The following NAT1 variants were observed in gnomAD, a reference collection of about 807,000 sequenced individuals.
NAT1 encodes N-acetyltransferase 1, also known as arylamine N-acetyltransferase 1.
For missense variants in NAT1, 400 were observed against 339.2 expected (o/e 1.18, Z -1.41); for synonymous variants, 144 against 122.6 (o/e 1.17, Z -1.16).
chr8:18,212,909 GT>G (rs567753237), intron 1 of NAT1: 168 of 143,820 alleles, frequency 1.2e-3, no homozygotes, highest in East Asian at 2.6e-3. Flanking sequence ...AACCAATAGG[GT>G]TTTTTTTTTT....
At chr8:18,211,244 G>A (rs910232677) in intron 1 of NAT1, 2 of 152,250 alleles carry the variant, frequency 1.3e-5, no homozygotes, top group Non-Finnish European at 2.9e-5. Flanking sequence ...ACAGAAGAGA[G>A]GAGACTGGCC....
intron 2 of NAT1, among the ~76,000 whole-genome samples, chr8:18,182,363 A>C (rs1427276914): frequency 6.6e-6 from 1 of 152,142 alleles, no homozygotes; most frequent in African/African-American, 2.4e-5. Context: ...ACATACTATT[A>C]GTGCATTTTG....
At chr8:18,191,562 G>A (rs1802991799) in intron 2 of NAT1, among the ~76,000 whole-genome samples, 2 of 152,010 alleles carry the variant, frequency 1.3e-5, no homozygotes, top group South Asian at 2.1e-4. Flanking sequence ...GAACAAAGCT[G>A]GAGGCATCAC....
intron 1 of NAT1, among the ~76,000 whole-genome samples, chr8:18,213,964 C>T (rs1193974489): frequency 5.9e-5 from 9 of 152,108 alleles, no homozygotes; most frequent in Non-Finnish European, 1.0e-4. Context: ...CAGGCACCTG[C>T]CATTGTGCCT....
chr8:18,207,185 T>C (rs1403367305), upstream of NAT1, among the ~76,000 whole-genome samples: 1 of 152,194 alleles, frequency 6.6e-6, no homozygotes, highest in Non-Finnish European at 1.5e-5. Flanking sequence ...TGATTGTAGA[T>C]GTGTGGTCTT....
intron 2 of NAT1, among the ~76,000 whole-genome samples, chr8:18,175,296 A>G (rs1180320854): frequency 1.3e-5 from 2 of 152,084 alleles, no homozygotes; most frequent in African/African-American, 4.8e-5. Flanking sequence ...CAGTGCAACC[A>G]ATCACTAAAT....
At chr8:18,184,292 G>C (rs1466378304) in intron 2 of NAT1, among the ~76,000 whole-genome samples, 1 of 152,164 alleles carries the variant, frequency 6.6e-6, no homozygotes, top group Non-Finnish European at 1.5e-5. Context: ...GCCAAGGAGA[G>C]TTGCATTAGA....
At chr8:18,219,308 T>C in intron 1 of NAT1, 103 bp from the exon 2 acceptor site, 1 of 774,132 alleles carries the variant, frequency 1.3e-6, no homozygotes, top group East Asian at 2.7e-5. Context: ...CTCTGTTTTG[T>C]GATTTTTAGG....
intron 1 of NAT1, among the ~76,000 whole-genome samples, chr8:18,215,690 A>G (rs919407289): frequency 1.3e-5 from 2 of 150,742 alleles, no homozygotes; most frequent in African/African-American, 4.9e-5. Flanking sequence ...TTTGCATGTT[A>G]TGTCTTTTCT....
At chr8:18,181,247 A>G (rs757904181) in intron 2 of NAT1, among the ~76,000 whole-genome samples, 1 of 152,178 alleles carries the variant, frequency 6.6e-6, no homozygotes, top group Non-Finnish European at 1.5e-5. Context: ...AAAAATTTAA[A>G]AAGTAGCTAT....
rs3038965 is a variant in NAT1, at chr8:18,173,146, G to GCACACACACACA, written n.92+2428_92+2439dup. Among the ~76,000 whole-genome samples, 202 of 146,632 alleles carry GCACACACACACA rather than the reference G, an allele frequency of 1.4e-3. 1 individual carries two copies. Among genetic ancestry groups the GCACACACACACA allele is most frequent in the Admixed American group, 3.0e-3 (44 of 14,668 alleles). ...TTAGAGCACACGTGCACACAGAGAT[G>GCACACACACACA]CACACACACACACACACACACACAC... On this transcript the variant is annotated intron_variant and non_coding_transcript_variant, in intron 2 of 4. Transcript: ENST00000517441.
rs1805426511 is a variant in NAT1 at position 18,222,470 on chromosome 8, G to C, written c.423G>C (p.Lys141Asn). The change falls in exon 3 of 3, where the codon AAG becomes AAC. Residue 141 changes from lysine (K) to asparagine (N), a missense_variant. By Grantham distance (94) the Lys-to-Asn change is moderately conservative. Transcript: ENST00000307719. ...AGCCTCTGGAGTTAATTTCTGGGAA[G>C]GATCAGCCTCAGGTGCCTTGTGTCT... ...MWQPLELISG[K>N]DQPQVPCVFR... 1 of 1,613,942 alleles carries C rather than the reference G, an allele frequency of 6.2e-7. No individual in the cohort carries two copies. Among genetic ancestry groups the C allele is most frequent in the Non-Finnish European group, 8.5e-7 (1 of 1,180,010 alleles).
chr8:18,211,833 G>T (rs964731175), intron 1 of NAT1, among the ~76,000 whole-genome samples: 1 of 151,562 alleles, frequency 6.6e-6, no homozygotes, highest in Admixed American at 6.6e-5. Context: ...GAAAAGAAAA[G>T]AAAAGAAAAA....
chr8:18,188,076 A>C (rs73666896), intron 2 of NAT1, among the ~76,000 whole-genome samples: 2 of 152,026 alleles, frequency 1.3e-5, no homozygotes, highest in Non-Finnish European at 2.9e-5. Flanking sequence ...TCTTTACATA[A>C]TACAGACTAG....
intron 2 of NAT1, among the ~76,000 whole-genome samples, chr8:18,199,486 C>A (rs1803375748): frequency 6.6e-6 from 1 of 152,068 alleles, no homozygotes; most frequent in Non-Finnish European, 1.5e-5. Context: ...GACCCTGAGA[C>A]CCCTTAAGGA....
At chr8:18,175,178 A>T (rs1176989657) in intron 2 of NAT1, among the ~76,000 whole-genome samples, 1 of 152,092 alleles carries the variant, frequency 6.6e-6, no homozygotes, top group Non-Finnish European at 1.5e-5. Context: ...CAAGGTAATT[A>T]ACATATCTAT....
At chr8:18,185,054 TTTC>T (rs2117234483) in intron 2 of NAT1, among the ~76,000 whole-genome samples, 1 of 70,514 alleles carries the variant, frequency 1.4e-5, no homozygotes, top group Non-Finnish European at 2.5e-5. Flanking sequence ...TTTTTTCAGG[TTTC>T]AGGAGTGCTT....
chr8:18,202,936 C>A (rs558771787), intron 2 of NAT1, among the ~76,000 whole-genome samples: 83 of 152,182 alleles, frequency 5.5e-4, no homozygotes, highest in Non-Finnish European at 9.0e-4. Context: ...GCTGATTGGT[C>A]CATTTTATAG....
chr8:18,221,880 C>T (rs981825126), intron 2 of NAT1, 162 bp from the exon 3 acceptor site: 1 of 699,982 alleles, frequency 1.4e-6, no homozygotes. Flanking sequence ...ATTAACTGAA[C>T]TTATGTGTGT....
Sources: gnomAD v4.1 joint callset for allele counts (sites outside exome capture counted in the v4.1 genomes callset) on GRCh38, gnomAD v4.1.1 for gene constraint, MANE v1.5 for transcripts, NCBI Gene and HGNC (gene_info 2026-07-23, HGNC 2026-07-21) for gene names.